The following TP63 variants were observed in gnomAD, a reference collection of about 807,000 sequenced individuals.
The protein encoded by TP63 is tumor protein 63.
A neutral mutation model predicts 82.8 loss-of-function variants in TP63; 17 were observed. The observed-to-expected ratio is 0.21, with a 90% confidence interval of 0.14 to 0.31. TP63 has a LOEUF of 0.31. Ranked by LOEUF, TP63 falls within the 10% of genes least tolerant of loss-of-function variation. TP63 has a pLI of 1.00. For synonymous variants in TP63, 330 were observed against 321.7 expected (o/e 1.03, Z -0.28); for missense variants, 648 against 895.3 (o/e 0.72, Z 3.52).
intron 5 of TP63, 126 bp downstream of exon 5, chr3:189,864,544 T>C: frequency 8.7e-6 from 2 of 231,162 alleles, no homozygotes; most frequent in South Asian, 1.4e-4. Context: ...AGTCTGCCTT[T>C]TTTTTTTTTT....
intron 4 of TP63, among the ~76,000 whole-genome samples, chr3:189,815,477 G>T (rs1728083081): frequency 6.6e-6 from 1 of 152,008 alleles, no homozygotes; most frequent in South Asian, 2.1e-4. Flanking sequence ...TGTCACAGGG[G>T]AAAGTAGACC....
Position 189,648,449 on chromosome 3 carries a change from C to T in TP63, c.62+16872C>T, listed in dbSNP as rs977157998. On this transcript the variant is annotated intron_variant, in intron 1 of 13. Transcript: ENST00000264731. ...AGCACCTAGGCCACAGGCTGGCACACAGAGGTGCTCAGTCAATAACTACTG... is the reference window on the plus strand; with the variant it reads ...AGCACCTAGGCCACAGGCTGGCACATAGAGGTGCTCAGTCAATAACTACTG... 3.4e-5 allele frequency among the ~76,000 whole-genome samples: 5 copies of T among 147,326 alleles called. 1 individual carries two copies. Among genetic ancestry groups the T allele is most frequent in the Non-Finnish European group, 7.4e-5 (5 of 67,418 alleles).
the TP63 span, among the ~76,000 whole-genome samples, chr3:189,612,979 G>A: frequency 8.5e-5 from 13 of 152,210 alleles, no homozygotes; most frequent in African/African-American, 2.9e-4. Context: ...AAGGCATTCA[G>A]TTTTATAAGG....
chr3:189,835,402 CCTAA>C (rs1290933636), intron 4 of TP63, among the ~76,000 whole-genome samples: 1 of 151,996 alleles, frequency 6.6e-6, no homozygotes, highest in African/African-American at 2.4e-5. Context: ...CTTTTTTTGT[CCTAA>C]CTGTGTCCTA....
chr3:189,693,932 C>G lies in TP63; in HGVS notation c.63-43808C>G, dbSNP rs568264676. ...TAAAAAGTTTCTGACACCTCAACAA[C>G]ACCGTTTTAGTGTTATCTTTTATTA... On this transcript the variant is annotated intron_variant, in intron 1 of 13. Transcript: ENST00000264731. 3.9e-5 allele frequency among the ~76,000 whole-genome samples: 6 copies of G among 152,168 alleles called. No individual in the cohort carries two copies. In the East Asian group the frequency reaches 1.2e-3, roughly 29 times the overall value.
intron 2 of TP63, 74 bp from the exon 3 acceptor site, chr3:189,738,568 G>A: frequency 6.2e-7 from 1 of 1,609,276 alleles, no homozygotes; most frequent in African/African-American, 1.3e-5. Flanking sequence ...GAAAATGCTT[G>A]TTGTTAACAA....
At chr3:189,827,652 A>T (rs1415940367) in intron 4 of TP63, among the ~76,000 whole-genome samples, 1 of 152,210 alleles carries the variant, frequency 6.6e-6, no homozygotes, top group African/African-American at 2.4e-5. Context: ...TGAATGTGTT[A>T]TGTAAGTCTA....
At position 189,739,598 on chromosome 3, in the gene TP63, C is replaced by T. The variant is rs994317704; in HGVS notation, c.324+824C>T. The stretch of plus-strand genomic sequence containing the variant: ...AAACTAATACATGAAACAGGCTTTT[C>T]TTGGCTATACCACTGAGTCACTCGT... On this transcript the variant is annotated intron_variant, in intron 3 of 13. Coordinates refer to ENST00000264731, the MANE Select transcript of TP63 (RefSeq NM_003722.5). Among the ~76,000 whole-genome samples, 5 of 152,264 alleles carry T rather than the reference C, an allele frequency of 3.3e-5. No homozygotes were observed. In the South Asian group the frequency reaches 8.3e-4, roughly 25 times the overall value.
intron 1 of TP63, among the ~76,000 whole-genome samples, chr3:189,638,154 G>A (rs1323604360): frequency 2.6e-5 from 4 of 152,136 alleles, no homozygotes; most frequent in Non-Finnish European, 5.9e-5. Context: ...CACTAAATTT[G>A]TGGTAACTTG....
At chr3:189,680,532 C>G (rs1047584990) in intron 1 of TP63, among the ~76,000 whole-genome samples, 4 of 152,158 alleles carry the variant, frequency 2.6e-5, no homozygotes, top group African/African-American at 9.7e-5. Context: ...TAAAAATTCT[C>G]AACAAAATAC....
At chr3:189,629,334 T>C (rs1490218113), upstream of TP63, among the ~76,000 whole-genome samples, 2 of 152,100 alleles carry the variant, frequency 1.3e-5, no homozygotes, top group Non-Finnish European at 2.9e-5. Flanking sequence ...CAGTGATCCA[T>C]GAACGCGCTG....
intron 4 of TP63, among the ~76,000 whole-genome samples, chr3:189,808,831 A>T (rs1727221374): frequency 6.6e-6 from 1 of 152,208 alleles, no homozygotes; most frequent in Non-Finnish European, 1.5e-5. Context: ...TGCCAACAAG[A>T]AGTATCATAA....
intron 1 of TP63, among the ~76,000 whole-genome samples, chr3:189,653,097 T>A (rs1302349032): frequency 6.6e-6 from 1 of 151,986 alleles, no homozygotes; most frequent in Non-Finnish European, 1.5e-5. Flanking sequence ...CAGATAAGTA[T>A]GGCATCGCAG....
At chr3:189,660,887 C>T (rs1406151633) in intron 1 of TP63, among the ~76,000 whole-genome samples, 1 of 151,892 alleles carries the variant, frequency 6.6e-6, no homozygotes, top group African/African-American at 2.4e-5. Flanking sequence ...TATAGAAATG[C>T]TACTGATAGC....
At chr3:189,735,757 T>C (rs1720543065) in intron 1 of TP63, among the ~76,000 whole-genome samples, 1 of 152,210 alleles carries the variant, frequency 6.6e-6, no homozygotes, top group Non-Finnish European at 1.5e-5. Flanking sequence ...AAGCATAGTC[T>C]GACTGTGTCT....
At chr3:189,764,369 A>G (rs1225613695) in intron 3 of TP63, among the ~76,000 whole-genome samples, 1 of 152,220 alleles carries the variant, frequency 6.6e-6, no homozygotes, top group Non-Finnish European at 1.5e-5. Flanking sequence ...TGATAAAACC[A>G]ATAGCTGGAT....
At chr3:189,761,852 A>C (rs1283400681) in intron 3 of TP63, among the ~76,000 whole-genome samples, 5 of 152,220 alleles carry the variant, frequency 3.3e-5, no homozygotes, top group East Asian at 1.9e-4. Context: ...AGGAGGAGCA[A>C]GTCACATCTT....
chr3:189,734,211 G>C (rs28408871), intron 1 of TP63, among the ~76,000 whole-genome samples: 1 of 131,324 alleles, frequency 7.6e-6, no homozygotes, highest in African/African-American at 2.9e-5. Context: ...CACTCTTGTC[G>C]CCCAGGCTGG....
At position 189,889,214 on chromosome 3, in the gene TP63, C is replaced by T. The variant is rs73892204; in HGVS notation, c.1508-126C>T. The T allele has an allele frequency of 1.5e-3, 2,108 of 1,381,566 alleles. 20 individuals carry two copies. In the African/African-American group the frequency reaches 0.022, roughly 15 times the overall value. The allele number at this position is 1,381,566 out of a possible 1,614,324, so 85.6% of individuals were successfully genotyped here. On this transcript the variant is annotated intron_variant, in intron 11 of 13. Coordinates refer to ENST00000264731, the MANE Select transcript of TP63 (RefSeq NM_003722.5). ...GCTGTTTGAAGGGGTGTAGTGAGAG[C>T]GAAGATTAAAAAGGAAGGCTGGTAG...
Sources: gnomAD v4.1 joint callset for allele counts (sites outside exome capture counted in the v4.1 genomes callset) on GRCh38, gnomAD v4.1.1 for gene constraint, MANE v1.5 for transcripts, NCBI Gene and HGNC (gene_info 2026-07-23, HGNC 2026-07-21) for gene names.